The following C1orf159 variants were observed in gnomAD, a reference collection of about 807,000 sequenced individuals.
C1orf159 encodes the protein uncharacterized protein C1orf159.
Under a neutral mutation model 25.6 loss-of-function variants are expected in C1orf159, and 19 were observed. That is an observed-to-expected ratio of 0.74 (90% confidence interval 0.52 to 1.09). The LOEUF is 1.09. Ranked by LOEUF, C1orf159 falls within the 50% of genes least tolerant of loss-of-function variation. The pLI is 0.00. For missense variants in C1orf159, 274 were observed against 290.6 expected (o/e 0.94, Z 0.42); for synonymous variants, 139 against 124.7 (o/e 1.12, Z -0.77).
chr1:1,090,348 C>CT lies in C1orf159; in HGVS notation c.148+4dup. 1 of 1,550,538 alleles carries CT rather than the reference C, an allele frequency of 6.4e-7. No individual in the cohort carries two copies. ...CTGGAATCTGCTTGGGACAAAGCGG[C>CT]TTACCTGGACCACACAGACTTGCGC... On this transcript the variant is annotated splice_donor_region_variant and intron_variant, in intron 4 of 9. Coordinates refer to ENST00000421241, the MANE Select transcript of C1orf159 (RefSeq NM_017891.5).
At chr1:1,083,553 G>A (rs1277162516) in intron 9 of C1orf159, 3 of 261,406 alleles carry the variant, frequency 1.1e-5, no homozygotes, top group Non-Finnish European at 2.2e-5. Flanking sequence ...GGCTGGGAAG[G>A]CAGACAGCGT....
At chr1:1,091,601 G>A (rs1304445881) in intron 2 of C1orf159, 36 bp from the exon 3 acceptor site, 2 of 1,463,378 alleles carry the variant, frequency 1.4e-6, no homozygotes, top group African/African-American at 2.8e-5. Flanking sequence ...CCAAAGAGAT[G>A]GAGTGGGGCT....
chr1:1,082,826 G>T lies in C1orf159; in HGVS notation c.*67C>A. On this transcript the variant is annotated 3_prime_UTR_variant, in exon 10 of 10. Transcript: ENST00000421241. ...CGGGCGATGCCAACACTTTGTGCTGGTTCCCGCCAAGGGGTCGGCCTCCGG... is the reference window on the plus strand; with the variant it reads ...CGGGCGATGCCAACACTTTGTGCTGTTTCCCGCCAAGGGGTCGGCCTCCGG... 2 of 1,403,080 alleles carry T rather than the reference G, an allele frequency of 1.4e-6. No individual in the cohort carries two copies. The highest frequency in any genetic ancestry group is 2.0e-6 in the Non-Finnish European group (2 of 1,012,988). The allele number at this position is 1,403,080 out of a possible 1,614,324, so 86.9% of individuals were successfully genotyped here.
intron 1 of C1orf159, among the ~76,000 whole-genome samples, chr1:1,095,257 C>T (rs1457518103): frequency 1.3e-5 from 2 of 152,210 alleles, no homozygotes; most frequent in African/African-American, 2.4e-5. Flanking sequence ...AAGCCTGCTG[C>T]GATTTTGACT....
chr1:1,084,011 G>T, intron 9 of C1orf159: 1 of 1,605,888 alleles, frequency 6.2e-7, no homozygotes. Flanking sequence ...CTCGGGTGGA[G>T]CTGGACTTCA....
At chr1:1,088,788 G>A (rs983892267) in intron 4 of C1orf159, among the ~76,000 whole-genome samples, 4 of 152,122 alleles carry the variant, frequency 2.6e-5, no homozygotes, top group Non-Finnish European at 4.4e-5. Flanking sequence ...GGGCCGCGGC[G>A]ACACGGGGAC....
At chr1:1,112,933 C>T (rs551163695) in intron 1 of C1orf159, among the ~76,000 whole-genome samples, 8 of 152,308 alleles carry the variant, frequency 5.3e-5, no homozygotes, top group East Asian at 1.9e-4. Flanking sequence ...CGGTGGCTCA[C>T]GCCTGTGATC....
chr1:1,115,490 C>T (rs1646323016), intron 1 of C1orf159, among the ~76,000 whole-genome samples: 1 of 145,270 alleles, frequency 6.9e-6, no homozygotes, highest in Non-Finnish European at 1.5e-5. Context: ...ATCCCCTCCC[C>T]AGGGACCCCC....
intron 7 of C1orf159, among the ~76,000 whole-genome samples, chr1:1,085,026 T>C (rs9442397): frequency 0.69 from 104,658 of 152,020 alleles, 36,782 homozygotes; most frequent in East Asian, 0.87. Context: ...TGAGCCCTGC[T>C]CTGCTCCAAG....
Position 1,082,612 on chromosome 1 carries a change from C to T in C1orf159, c.*281G>A, listed in dbSNP as rs11803390. On this transcript the variant is annotated 3_prime_UTR_variant, in exon 10 of 10. Coordinates refer to ENST00000421241, the MANE Select transcript of C1orf159 (RefSeq NM_017891.5). ...AGGCGCTGGGGCCTCACCGTGTTTC[C>T]TGGGGGGGCCCGGACCCCCCAAGGC... is the stretch of plus-strand genomic sequence containing the variant. The T allele has an allele frequency of 2.1e-6, 1 of 471,594 alleles. No homozygotes were observed. The highest frequency in any genetic ancestry group is 3.9e-6 in the Non-Finnish European group (1 of 259,130). 29.2% of individuals were successfully genotyped at this position (471,594 alleles called of 1,614,324 possible). A position where few individuals can be genotyped will look rare whatever the true frequency, so the allele number is the denominator to read the frequency against.
At chr1:1,108,449 A>G (rs36161240) in intron 1 of C1orf159, among the ~76,000 whole-genome samples, 1,302 of 29,180 alleles carry the variant, frequency 0.045, 87 homozygotes, top group African/African-American at 0.11. Flanking sequence ...CCATGTCTCG[A>G]CACCGTTCAC....
intron 1 of C1orf159, among the ~76,000 whole-genome samples, chr1:1,094,877 T>C (rs1430401357): frequency 6.6e-6 from 1 of 152,256 alleles, no homozygotes; most frequent in African/African-American, 2.4e-5. Context: ...CTTCCAGAAG[T>C]GTTACAGTTT....
At chr1:1,114,567 G>A (rs544883188) in intron 1 of C1orf159, among the ~76,000 whole-genome samples, 78 of 152,318 alleles carry the variant, frequency 5.1e-4, no homozygotes, top group African/African-American at 1.8e-3. Flanking sequence ...GACTGCGTGT[G>A]GAAACACCTG....
rs750884775 is a variant in C1orf159 at position 1,110,315 on chromosome 1, A to G, written c.-136+5745T>C. On this transcript the variant is annotated intron_variant, in intron 1 of 9. Coordinates refer to ENST00000421241, the MANE Select transcript of C1orf159 (RefSeq NM_017891.5). This position sits in a 1 kb window ranked among gnomAD's most constrained non-coding sequence, Gnocchi z 4.8. ...CCCTTGACCAAGAGGGAGCTCGTTC[A>G]GTCGGCGGGGGACTTAGGATTTTAT... Among the ~76,000 whole-genome samples the G allele has an allele frequency of 6.6e-6, 1 of 152,220 alleles. No homozygotes were observed. Among genetic ancestry groups the G allele is most frequent in the Non-Finnish European group, 1.5e-5 (1 of 68,048 alleles).
chr1:1,091,786 G>T (rs968273290), intron 2 of C1orf159: 44 of 460,248 alleles, frequency 9.6e-5, no homozygotes, highest in Non-Finnish European at 4.5e-5. Flanking sequence ...AGTGGGCGGG[G>T]CTGTGGCAGG....
At chr1:1,093,003 C>G (rs1446399437) in intron 1 of C1orf159, among the ~76,000 whole-genome samples, 2 of 151,982 alleles carry the variant, frequency 1.3e-5, no homozygotes, top group African/African-American at 4.8e-5. Context: ...TGAACGGAGA[C>G]TGCACTCCAG....
At position 1,085,951 on chromosome 1, in the gene C1orf159, G is replaced by A. The variant is rs150196409; in HGVS notation, c.372C>T (p.Ile124=). The change falls in exon 7 of 10, where the codon ATC becomes ATT. Residue 124 remains isoleucine (I), a synonymous_variant. Transcript: ENST00000421241. ...LGTFFISSGL[I]LSVAGFFYLK... is the part of the protein sequence containing the mutation. ...GGTAGAAGAACCCAGCTACGGAGAG[G>A]ATGAGGCCGGAGCTAATGAAGAACG... The A allele has an allele frequency of 8.1e-6, 13 of 1,613,438 alleles. No individual in the cohort carries two copies. Among genetic ancestry groups the A allele is most frequent in the Non-Finnish European group, 1.1e-5 (13 of 1,179,816 alleles).
chr1:1,103,795 G>A (rs923526457), intron 1 of C1orf159, among the ~76,000 whole-genome samples: 6 of 152,066 alleles, frequency 3.9e-5, no homozygotes, highest in African/African-American at 1.2e-4. Flanking sequence ...CAGTGGCAGC[G>A]ATCCTCTCAC....
At chr1:1,099,958 AGTG>A (rs1646077353) in intron 1 of C1orf159, among the ~76,000 whole-genome samples, 1 of 110,844 alleles carries the variant, frequency 9.0e-6, no homozygotes, top group Non-Finnish European at 1.7e-5. Context: ...TTATATTTAA[AGTG>A]CATCTTTTAG....
Sources: allele counts gnomAD v4.1 joint callset (sites outside exome capture counted in the v4.1 genomes callset), GRCh38; gene constraint gnomAD v4.1.1; non-coding constraint Gnocchi (gnomAD v3.1); transcripts MANE v1.5; gene names NCBI Gene and HGNC (gene_info 2026-07-23, HGNC 2026-07-21).